SORL1: variants seen among roughly 807,000 people sequenced by gnomAD.
SORL1 encodes sortilin-related receptor.
SORL1 carries 127 observed loss-of-function variants against 273.7 expected under a neutral mutation model. That is an observed-to-expected ratio of 0.46 (90% confidence interval 0.40 to 0.54). SORL1 has a LOEUF of 0.54. Among genes scored for constraint, SORL1 ranks in the 20% least tolerant of loss-of-function variants. The probability of loss-of-function intolerance (pLI) is 0.00; values close to 1 mark genes in which losing one functional copy is unlikely to be tolerated. For missense variants in SORL1, 2,494 were observed against 2,846.1 expected (o/e 0.88, Z 2.81); for synonymous variants, 1,031 against 1,067.4 (o/e 0.97, Z 0.66).
At chr11:121,479,105 A>G (rs976079239) in intron 3 of SORL1, among the ~76,000 whole-genome samples, 1 of 152,076 alleles carries the variant, frequency 6.6e-6, no homozygotes, top group Non-Finnish European at 1.5e-5. Flanking sequence ...AAGGCAGCAG[A>G]TATTGCTATG....
intron 22 of SORL1, among the ~76,000 whole-genome samples, chr11:121,568,914 C>G (rs1862793278): frequency 6.6e-6 from 1 of 152,208 alleles, no homozygotes. Context: ...GACACGTGTG[C>G]TTGGCATTCC....
At chr11:121,517,481 T>A (rs1361325941) in intron 8 of SORL1, among the ~76,000 whole-genome samples, 1 of 152,214 alleles carries the variant, frequency 6.6e-6, no homozygotes, top group Non-Finnish European at 1.5e-5. Context: ...TGAATCACTA[T>A]CCCTCAGACC....
At chr11:121,555,436 G>A in intron 18 of SORL1, 118 bp downstream of exon 18, 3 of 1,288,634 alleles carry the variant, frequency 2.3e-6, no homozygotes, top group Non-Finnish European at 3.2e-6. Flanking sequence ...AATTTACTGC[G>A]AGTTTCCAGA....
chr11:121,569,702 T>C (rs962312482), intron 22 of SORL1, among the ~76,000 whole-genome samples: 27 of 152,216 alleles, frequency 1.8e-4, no homozygotes, highest in African/African-American at 6.5e-4. Flanking sequence ...AAAACTTCAT[T>C]AGCAATTTTA....
At chr11:121,536,139 C>G (rs1235474735) in intron 12 of SORL1, among the ~76,000 whole-genome samples, 2 of 152,144 alleles carry the variant, frequency 1.3e-5, no homozygotes. Flanking sequence ...TGAACTTGCC[C>G]CAAAGCATCT....
At chr11:121,511,837 G>A (rs956650659) in intron 6 of SORL1, among the ~76,000 whole-genome samples, 2 of 152,170 alleles carry the variant, frequency 1.3e-5, no homozygotes, top group South Asian at 2.1e-4. Context: ...AAAATAAATG[G>A]ATATGTTCCT....
At chr11:121,458,601 G>A (rs1160653385) in intron 1 of SORL1, among the ~76,000 whole-genome samples, 1 of 152,150 alleles carries the variant, frequency 6.6e-6, no homozygotes, top group Non-Finnish European at 1.5e-5. Context: ...TTGGCAGATG[G>A]TATAGTCAGT....
Position 121,583,603 on chromosome 11 carries a change from C to A in SORL1, c.3706+20C>A. ...ACTGTGGTAAATGCAAATTCCCCAG[C>A]TCCCTCCCTGAGCCTCCCCAGTGTC... On this transcript the variant is annotated intron_variant, in intron 26 of 47. Coordinates refer to ENST00000260197, the MANE Select transcript of SORL1 (RefSeq NM_003105.6). 6.3e-7 allele frequency: 1 copy of A among 1,594,480 alleles called. No homozygotes were observed. Among genetic ancestry groups the A allele is most frequent in the Non-Finnish European group, 8.5e-7 (1 of 1,170,282 alleles).
At chr11:121,583,644 G>C in intron 26 of SORL1, 61 bp downstream of exon 26, 1 of 1,526,050 alleles carries the variant, frequency 6.6e-7, no homozygotes. Flanking sequence ...TTCAGGAAGA[G>C]AGGCCACAGA....
rs1393878091 is a variant in SORL1, at chr11:121,596,023, ATGAC to A, written c.4519+253_4519+256del. The stretch of plus-strand genomic sequence containing the variant: ...CGTGTCCAATAAAAATACTTTCTGA[ATGAC>A]TAAGATAAATATTTTAAATAGGTTT... On this transcript the variant is annotated intron_variant, in intron 32 of 47. Coordinates refer to ENST00000260197, the MANE Select transcript of SORL1 (RefSeq NM_003105.6). This position sits in a 1 kb window ranked among gnomAD's most constrained non-coding sequence, Gnocchi z 4.3. Among the ~76,000 whole-genome samples the A allele has an allele frequency of 6.6e-6, 1 of 152,226 alleles. No homozygotes were observed. The highest frequency in any genetic ancestry group is 2.4e-5 in the African/African-American group (1 of 41,448).
chr11:121,467,037 T>TC (rs924406284), intron 1 of SORL1, among the ~76,000 whole-genome samples: 6 of 146,640 alleles, frequency 4.1e-5, no homozygotes, highest in Non-Finnish European at 9.0e-5. Flanking sequence ...TTTCTTTTTT[T>TC]TTTTTTTTTT....
intron 12 of SORL1, among the ~76,000 whole-genome samples, chr11:121,537,927 C>T (rs1320199501): frequency 6.6e-6 from 1 of 152,178 alleles, no homozygotes; most frequent in Non-Finnish European, 1.5e-5. Flanking sequence ...TGAGTGTCTG[C>T]CATTTCATGA....
chr11:121,540,157 A>C (rs1036547142), intron 12 of SORL1, among the ~76,000 whole-genome samples: 1 of 152,176 alleles, frequency 6.6e-6, no homozygotes, highest in African/African-American at 2.4e-5. Flanking sequence ...TGAACTCATC[A>C]GGAACTTTTC....
chr11:121,457,317 T>C (rs1860922076), intron 1 of SORL1, among the ~76,000 whole-genome samples: 1 of 152,120 alleles, frequency 6.6e-6, no homozygotes, highest in South Asian at 2.1e-4. Context: ...AAAACAAAAT[T>C]TGTACAAAAG....
At chr11:121,548,847 G>C (rs1187041102) in intron 14 of SORL1, among the ~76,000 whole-genome samples, 1 of 152,152 alleles carries the variant, frequency 6.6e-6, no homozygotes, top group Non-Finnish European at 1.5e-5. Context: ...GATTACAGGC[G>C]TGAGCTACCA....
chr11:121,459,680 G>A (rs138014461), intron 1 of SORL1, among the ~76,000 whole-genome samples: 498 of 152,338 alleles, frequency 3.3e-3, no homozygotes, highest in African/African-American at 0.011. Context: ...AAGGTGGAGC[G>A]CAGACCCTGC....
At chr11:121,609,876 A>C (rs1283185999) in intron 38 of SORL1, 3 of 152,190 alleles carry the variant, frequency 2.0e-5, no homozygotes, top group African/African-American at 7.2e-5. Context: ...AAGTATCCTT[A>C]TCCTCATTGT....
chr11:121,487,041 G>T lies in SORL1; in HGVS notation c.529-991G>T, dbSNP rs140975241. Among the ~76,000 whole-genome samples the T allele has an allele frequency of 4.6e-5, 7 of 152,286 alleles. No homozygotes were observed. The East Asian group carries it at 1.2e-3, about 25-fold the overall frequency. ...CCAAACCCACACTGCCCTAGACGTG[G>T]AATATTCTTTCCCTGTGGGAGTCTC... On this transcript the variant is annotated intron_variant, in intron 3 of 47. Transcript: ENST00000260197.
In SORL1 at chr11:121,563,260, C is replaced by G. The variant is rs1295732654; in HGVS notation, c.3049+3603C>G. The stretch of plus-strand genomic sequence containing the variant: ...CATGTGTTGCTAGAATAGCAGTGCC[C>G]TGGTAGTATGACAGCAGTTCAGAAG... On this transcript the variant is annotated intron_variant, in intron 21 of 47. Coordinates refer to ENST00000260197, the MANE Select transcript of SORL1 (RefSeq NM_003105.6). This position sits in a 1 kb window ranked among gnomAD's most constrained non-coding sequence, Gnocchi z 4.2. Among the ~76,000 whole-genome samples, 2 of 152,226 alleles carry G rather than the reference C, an allele frequency of 1.3e-5. No homozygotes were observed. Among genetic ancestry groups the G allele is most frequent in the East Asian group, 3.9e-4 (2 of 5,190 alleles).
Sources: allele counts gnomAD v4.1 joint callset (sites outside exome capture counted in the v4.1 genomes callset), GRCh38; gene constraint gnomAD v4.1.1; non-coding constraint Gnocchi (gnomAD v3.1); transcripts MANE v1.5; gene names NCBI Gene and HGNC (gene_info 2026-07-23, HGNC 2026-07-21).